The following GRM1 variants were observed in gnomAD, a reference collection of about 807,000 sequenced individuals.
GRM1 encodes the protein metabotropic glutamate receptor 1.
Under a neutral mutation model 90.9 loss-of-function variants are expected in GRM1, and 33 were observed. The ratio of observed to expected loss-of-function variants is 0.36; its 90% CI spans 0.28 to 0.49. The LOEUF is 0.49. Ranked by LOEUF, GRM1 falls within the 20% of genes least tolerant of loss-of-function variation. The pLI is 0.99. For missense variants in GRM1, 1,190 were observed against 1,534.3 expected (o/e 0.78, Z 3.75); for synonymous variants, 700 against 613.2 (o/e 1.14, Z -2.09).
chr6:146,370,997 A>G (rs1775878397), intron 5 of GRM1, among the ~76,000 whole-genome samples: 1 of 151,248 alleles, frequency 6.6e-6, no homozygotes, highest in Non-Finnish European at 1.5e-5. Context: ...ATGTAGTTCT[A>G]TGTCTCTTTT....
chr6:146,360,298 AT>A (rs1421178624), intron 5 of GRM1, among the ~76,000 whole-genome samples: 6 of 152,132 alleles, frequency 3.9e-5, no homozygotes, highest in African/African-American at 1.4e-4. Context: ...CAGTTTTCTT[AT>A]GTTATTGATT....
At chr6:146,249,995 C>A (rs1320136255) in intron 2 of GRM1, among the ~76,000 whole-genome samples, 2 of 152,212 alleles carry the variant, frequency 1.3e-5, no homozygotes, top group African/African-American at 2.4e-5. Context: ...AGGTTTCAGA[C>A]TTGCTTGGAG....
chr6:146,421,530 A>T (rs935767441), intron 7 of GRM1, among the ~76,000 whole-genome samples: 2 of 152,138 alleles, frequency 1.3e-5, no homozygotes, highest in Non-Finnish European at 2.9e-5. Flanking sequence ...TTGTCTCTTT[A>T]AAAGGAGCAG....
chr6:146,121,223 G>A (rs575335379), intron 1 of GRM1, among the ~76,000 whole-genome samples: 15 of 152,156 alleles, frequency 9.9e-5, no homozygotes, highest in East Asian at 3.9e-4. Context: ...GTTTATTTGC[G>A]TCGAGGTGTT....
At chr6:146,160,416 T>C (rs1168960951) in intron 2 of GRM1, among the ~76,000 whole-genome samples, 9 of 152,212 alleles carry the variant, frequency 5.9e-5, no homozygotes, top group African/African-American at 1.7e-4. Flanking sequence ...ACCTAACAGA[T>C]ATCTTGTTTA....
chr6:146,386,841 C>T (rs766857589), intron 5 of GRM1, 49 bp from the exon 6 acceptor site: 1 of 1,485,770 alleles, frequency 6.7e-7, no homozygotes, highest in Non-Finnish European at 9.4e-7. Context: ...GAAATAGAAG[C>T]TTTTCTGGGA....
At chr6:146,148,425 C>G (rs993310995) in intron 1 of GRM1, among the ~76,000 whole-genome samples, 2 of 151,908 alleles carry the variant, frequency 1.3e-5, no homozygotes, top group African/African-American at 4.8e-5. Flanking sequence ...ATTTTGCATT[C>G]TATTTTAAAC....
At chr6:146,077,536 C>T (rs981597663) in intron 1 of GRM1, among the ~76,000 whole-genome samples, 1 of 152,162 alleles carries the variant, frequency 6.6e-6, no homozygotes, top group Non-Finnish European at 1.5e-5. Flanking sequence ...GTAGAACAAG[C>T]ACTAGCTGGA....
intron 2 of GRM1, among the ~76,000 whole-genome samples, chr6:146,208,681 A>ATGTATATGTG (rs1779576311): frequency 6.6e-6 from 1 of 152,164 alleles, no homozygotes; most frequent in Non-Finnish European, 1.5e-5. Flanking sequence ...TTATACATAT[A>ATGTATATGTG]TGTATGAAAT....
chr6:146,029,539 T>G lies in GRM1; in HGVS notation c.22T>G (p.Phe8Val). Residue 8 changes from phenylalanine (F) to valine (V), a missense_variant, in exon 1 of 8, where the codon TTT becomes GTT. Physicochemically the swap from Phe to Val is conservative, Grantham distance 50. Transcript: ENST00000282753. ...CACCATGGTCGGGCTCCTTTTGTTT[T>G]TTTTCCCAGCGATCTTTTTGGAGGT... MVGLLLF[F>V]FPAIFLEVSL... The G allele has an allele frequency of 2.5e-6, 4 of 1,614,032 alleles. No individual in the cohort carries two copies. Among genetic ancestry groups the G allele is most frequent in the Non-Finnish European group, 3.4e-6 (4 of 1,179,970 alleles).
At chr6:146,151,252 T>G (rs1455646046) in intron 1 of GRM1, among the ~76,000 whole-genome samples, 2 of 152,190 alleles carry the variant, frequency 1.3e-5, no homozygotes, top group Admixed American at 1.3e-4. Flanking sequence ...ACCATTTATT[T>G]TTTAGTGAAA....
intron 1 of GRM1, among the ~76,000 whole-genome samples, chr6:146,057,109 C>T (rs1281880027): frequency 1.3e-5 from 2 of 152,122 alleles, no homozygotes; most frequent in Admixed American, 6.6e-5. Context: ...TAACCAGTAA[C>T]TTTGATACAC....
intron 2 of GRM1, among the ~76,000 whole-genome samples, chr6:146,162,692 C>A (rs1200091893): frequency 2.0e-5 from 3 of 151,976 alleles, no homozygotes; most frequent in Non-Finnish European, 4.4e-5. Flanking sequence ...CCATATTTGA[C>A]CACTTGGAAT....
upstream of GRM1, among the ~76,000 whole-genome samples, chr6:146,028,987 C>T (rs896857504): frequency 2.6e-5 from 4 of 152,300 alleles, no homozygotes. Flanking sequence ...GTTGGCGGGG[C>T]TCTGCGCCGC....
chr6:146,279,813 G>A (rs1386465650), intron 2 of GRM1, among the ~76,000 whole-genome samples: 1 of 151,514 alleles, frequency 6.6e-6, no homozygotes, highest in African/African-American at 2.4e-5. Flanking sequence ...TTTATTTATT[G>A]ATTTTTTTTT....
chr6:146,054,353 C>A (rs923518455), intron 1 of GRM1, among the ~76,000 whole-genome samples: 1 of 152,038 alleles, frequency 6.6e-6, no homozygotes, highest in Non-Finnish European at 1.5e-5. Context: ...TATATTTTCT[C>A]TCCCATATTT....
chr6:146,226,814 G>A (rs2114691949), intron 2 of GRM1, among the ~76,000 whole-genome samples: 1 of 152,102 alleles, frequency 6.6e-6, no homozygotes, highest in African/African-American at 2.4e-5. Flanking sequence ...CTTTGCTGTT[G>A]ATCTCTGAAC....
intron 1 of GRM1, among the ~76,000 whole-genome samples, chr6:146,089,627 A>G (rs1776652643): frequency 6.6e-6 from 1 of 152,068 alleles, no homozygotes; most frequent in Non-Finnish European, 1.5e-5. Context: ...TGATGCCTTT[A>G]TTTTATGGAT....
At chr6:146,336,788 G>A (rs1165690481) in intron 3 of GRM1, among the ~76,000 whole-genome samples, 3 of 152,128 alleles carry the variant, frequency 2.0e-5, no homozygotes, top group African/African-American at 4.8e-5. Flanking sequence ...TCCAGTACCC[G>A]ACTCTGTATA....
Sources: allele counts gnomAD v4.1 joint callset (sites outside exome capture counted in the v4.1 genomes callset), GRCh38; gene constraint gnomAD v4.1.1; transcripts MANE v1.5; gene names NCBI Gene and HGNC (gene_info 2026-07-23, HGNC 2026-07-21).